The following LGR5 variants were observed in gnomAD, a reference collection of about 807,000 sequenced individuals.
The protein encoded by LGR5 is leucine rich repeat containing G protein-coupled receptor 5, also known as leucine-rich repeat-containing G protein-coupled receptor 5.
Under a neutral mutation model 76.7 loss-of-function variants are expected in LGR5, and 54 were observed. That is an observed-to-expected ratio of 0.70 (90% CI 0.57 to 0.88). LGR5 has a LOEUF of 0.88. Among genes scored for constraint, LGR5 ranks in the 40% least tolerant of loss-of-function variants. The pLI is 0.00. For synonymous variants in LGR5, 406 were observed against 421.9 expected (o/e 0.96, Z 0.46); for missense variants, 1,078 against 1,073.3 (o/e 1.00, Z -0.06).
intron 2 of LGR5, among the ~76,000 whole-genome samples, chr12:71,519,150 G>T (rs1875598223): frequency 6.6e-6 from 1 of 152,022 alleles, no homozygotes; most frequent in African/African-American, 2.4e-5. Context: ...TTCCACTCCA[G>T]CCATGCTCGC....
At chr12:71,553,668 C>A (rs900936035) in intron 5 of LGR5, among the ~76,000 whole-genome samples, 6 of 152,086 alleles carry the variant, frequency 3.9e-5, no homozygotes, top group Admixed American at 3.9e-4. Context: ...TTCTTATTAT[C>A]TAATAAGAAC....
intron 4 of LGR5, among the ~76,000 whole-genome samples, chr12:71,536,654 C>T (rs1876603187): frequency 6.6e-6 from 1 of 152,190 alleles, no homozygotes; most frequent in Non-Finnish European, 1.5e-5. Flanking sequence ...CTTTAAACAG[C>T]TGCAAGGCAG....
At chr12:71,475,145 A>G (rs1247773204) in intron 1 of LGR5, among the ~76,000 whole-genome samples, 3 of 152,202 alleles carry the variant, frequency 2.0e-5, no homozygotes, top group Non-Finnish European at 4.4e-5. Context: ...CCACAAATGA[A>G]AGAACGTGTG....
At chr12:71,483,583 G>C (rs1287736993) in intron 1 of LGR5, among the ~76,000 whole-genome samples, 1 of 152,206 alleles carries the variant, frequency 6.6e-6, no homozygotes, top group African/African-American at 2.4e-5. Flanking sequence ...TCAATGTGCA[G>C]CATAGCAGCA....
At chr12:71,449,389 T>C (rs1394356018) in intron 1 of LGR5, among the ~76,000 whole-genome samples, 1 of 152,170 alleles carries the variant, frequency 6.6e-6, no homozygotes, top group Non-Finnish European at 1.5e-5. Flanking sequence ...CAGTGCAATA[T>C]AGTACAGGAG....
chr12:71,561,749 A>C, intron 7 of LGR5, 32 bp from the exon 8 acceptor site: 1 of 1,390,620 alleles, frequency 7.2e-7, no homozygotes, highest in South Asian at 1.3e-5. Context: ...TACCCCACAC[A>C]GGATTTTTTA....
chr12:71,508,619 T>C (rs529999150), intron 2 of LGR5, among the ~76,000 whole-genome samples: 2 of 152,046 alleles, frequency 1.3e-5, no homozygotes, highest in African/African-American at 2.4e-5. Flanking sequence ...CTGGGTGTTG[T>C]GGCGCGCGCC....
intron 1 of LGR5, among the ~76,000 whole-genome samples, chr12:71,477,858 T>A (rs1873409015): frequency 6.6e-6 from 1 of 152,180 alleles, no homozygotes; most frequent in African/African-American, 2.4e-5. Context: ...CTTCTTACTG[T>A]TTCACTTATA....
At chr12:71,524,498 T>C in intron 3 of LGR5, 21 bp downstream of exon 3, 1 of 1,559,540 alleles carries the variant, frequency 6.4e-7, no homozygotes, top group Non-Finnish European at 8.8e-7. Context: ...TGAGTGTTGT[T>C]GGATATATTT....
intron 14 of LGR5, among the ~76,000 whole-genome samples, chr12:71,578,594 AT>A (rs1051004948): frequency 2.6e-5 from 4 of 152,244 alleles, no homozygotes; most frequent in African/African-American, 7.2e-5. Flanking sequence ...TTTGAATACA[AT>A]TAAAACCTTT....
At chr12:71,492,563 T>C (rs1874121316) in intron 1 of LGR5, among the ~76,000 whole-genome samples, 1 of 152,222 alleles carries the variant, frequency 6.6e-6, no homozygotes, top group African/African-American at 2.4e-5. Context: ...TGAGTTTCCT[T>C]ATAAACATAA....
chr12:71,534,644 C>G (rs1474984583), intron 3 of LGR5, among the ~76,000 whole-genome samples: 1 of 152,190 alleles, frequency 6.6e-6, no homozygotes, highest in East Asian at 1.9e-4. Context: ...ACCTCGAGTC[C>G]TCACTCATTC....
chr12:71,575,882 T>C (rs1051097499), intron 13 of LGR5, among the ~76,000 whole-genome samples: 1 of 152,154 alleles, frequency 6.6e-6, no homozygotes, highest in African/African-American at 2.4e-5. Flanking sequence ...ATGTGGTATA[T>C]ATACACCATG....
intron 1 of LGR5, among the ~76,000 whole-genome samples, chr12:71,488,380 A>T (rs757608312): frequency 6.6e-6 from 1 of 152,204 alleles, no homozygotes; most frequent in Non-Finnish European, 1.5e-5. Flanking sequence ...GTTGAGAGAC[A>T]TGACCTAAGT....
intron 1 of LGR5, among the ~76,000 whole-genome samples, chr12:71,471,960 A>G (rs946879755): frequency 1.3e-5 from 2 of 152,236 alleles, no homozygotes; most frequent in Non-Finnish European, 2.9e-5. Flanking sequence ...TCTTAGTGAC[A>G]TGCCTTCAGA....
At chr12:71,486,804 T>C (rs1873847306) in intron 1 of LGR5, among the ~76,000 whole-genome samples, 1 of 151,956 alleles carries the variant, frequency 6.6e-6, no homozygotes, top group Non-Finnish European at 1.5e-5. Context: ...AGTTATTTTT[T>C]CAATTCGGAG....
chr12:71,576,495 T>A (rs555787493), intron 13 of LGR5, among the ~76,000 whole-genome samples: 1 of 152,134 alleles, frequency 6.6e-6, no homozygotes, highest in South Asian at 2.1e-4. Flanking sequence ...GGCCCTGACC[T>A]CCCTTTCCTT....
At chr12:71,454,505 G>A (rs187853677) in intron 1 of LGR5, among the ~76,000 whole-genome samples, 100 of 152,248 alleles carry the variant, frequency 6.6e-4, no homozygotes, top group African/African-American at 2.3e-3. Context: ...TCAGACAAAG[G>A]GAAATCCTTC....
intron 1 of LGR5, among the ~76,000 whole-genome samples, chr12:71,504,107 G>A (rs1033690788): frequency 9.2e-5 from 14 of 152,198 alleles, no homozygotes; most frequent in Admixed American, 5.2e-4. Context: ...CATGTTAGAA[G>A]GAGGGAATAG....
Sources: allele counts gnomAD v4.1 joint callset (sites outside exome capture counted in the v4.1 genomes callset), GRCh38; gene constraint gnomAD v4.1.1; transcripts MANE v1.5; gene names NCBI Gene and HGNC (gene_info 2026-07-23, HGNC 2026-07-21).